JAK2: variants seen among roughly 807,000 people sequenced by gnomAD.
JAK2 encodes the protein tyrosine-protein kinase JAK2.
JAK2 carries 86 observed loss-of-function variants against 139.3 expected under a neutral mutation model. That is an observed-to-expected ratio of 0.62 (90% CI 0.52 to 0.74). The LOEUF (loss-of-function observed/expected upper bound fraction) is 0.74, where lower values mean the gene tolerates loss of function less well. Among genes scored for constraint, JAK2 ranks in the 30% least tolerant of loss-of-function variants. JAK2 has a pLI of 0.00. For missense variants in JAK2, 1,421 were observed against 1,360.3 expected (o/e 1.04, Z -0.70); for synonymous variants, 490 against 437.7 (o/e 1.12, Z -1.49).
At chr9:5,015,638 T>C (rs1822004136) in intron 2 of JAK2, among the ~76,000 whole-genome samples, 1 of 152,038 alleles carries the variant, frequency 6.6e-6, no homozygotes, top group African/African-American at 2.4e-5. Flanking sequence ...TCTCCTGGGC[T>C]CAAGTGATCC....
intron 22 of JAK2, among the ~76,000 whole-genome samples, chr9:5,104,582 C>A (rs1821800189): frequency 6.6e-6 from 1 of 152,170 alleles, no homozygotes; most frequent in Non-Finnish European, 1.5e-5. Flanking sequence ...CAGCCCGATA[C>A]CAAAGCCTAG....
intron 14 of JAK2, among the ~76,000 whole-genome samples, chr9:5,076,987 T>C (rs1217346393): frequency 3.0e-4 from 45 of 151,986 alleles, no homozygotes; most frequent in Admixed American, 3.0e-3. Flanking sequence ...CATTTCTGTA[T>C]TTTTTGCAGA....
chr9:5,028,265 G>C (rs1034251733), intron 3 of JAK2, among the ~76,000 whole-genome samples: 1 of 152,182 alleles, frequency 6.6e-6, no homozygotes, highest in Non-Finnish European at 1.5e-5. Flanking sequence ...GGGTGACCAG[G>C]TGCATTGTCA....
At chr9:5,115,108 C>G (rs1432948108) in intron 22 of JAK2, among the ~76,000 whole-genome samples, 1 of 152,118 alleles carries the variant, frequency 6.6e-6, no homozygotes, top group Non-Finnish European at 1.5e-5. Context: ...GCAAAAGAAA[C>G]TGATCAGAGT....
intron 19 of JAK2, chr9:5,085,834 C>T: frequency 2.6e-6 from 2 of 762,440 alleles, no homozygotes; most frequent in Non-Finnish European, 4.9e-6. Context: ...AAGGCTTTTC[C>T]TTTTACATCA....
intron 2 of JAK2, among the ~76,000 whole-genome samples, chr9:5,016,443 G>A (rs16922525): frequency 0.01 from 1,559 of 152,204 alleles, 20 homozygotes; most frequent in African/African-American, 0.036. Context: ...GGTGCAATGA[G>A]CCTGCAAACC....
intron 3 of JAK2, among the ~76,000 whole-genome samples, chr9:5,022,777 A>C (rs1822512876): frequency 6.6e-6 from 1 of 152,232 alleles, no homozygotes; most frequent in African/African-American, 2.4e-5. Context: ...AACACATTTT[A>C]CTAGACCACT....
chr9:5,040,968 A>G (rs537166611), intron 4 of JAK2: 7 of 572,894 alleles, frequency 1.2e-5, no homozygotes, highest in South Asian at 1.1e-4. Flanking sequence ...ATACAAACAA[A>G]TATGTGGCTA....
At chr9:5,045,328 C>T (rs7046077) in intron 5 of JAK2, among the ~76,000 whole-genome samples, 1 of 151,874 alleles carries the variant, frequency 6.6e-6, no homozygotes, top group African/African-American at 2.4e-5. Flanking sequence ...GCCTAGTAAG[C>T]CTAGTTCAGT....
At position 5,061,132 on chromosome 9, in the gene JAK2, C is replaced by T. The variant is rs146405888; in HGVS notation, c.1057-3751C>T. ...GTGCTGTCATCCAAGCCTTGTTGTT[C>T]CATTTATAGAGCACAGGCAGAGTAG... On this transcript the variant is annotated intron_variant, in intron 8 of 24. Coordinates refer to ENST00000381652, the MANE Select transcript of JAK2 (RefSeq NM_004972.4). 7.2e-3 allele frequency among the ~76,000 whole-genome samples: 1,100 copies of T among 152,290 alleles called. 10 individuals are homozygous for T. Among genetic ancestry groups the T allele is most frequent in the African/African-American group, 0.025 (1,054 of 41,554 alleles).
At chr9:5,009,406 A>T (rs924018208) in intron 2 of JAK2, among the ~76,000 whole-genome samples, 3 of 152,160 alleles carry the variant, frequency 2.0e-5, no homozygotes, top group African/African-American at 7.2e-5. Context: ...ACACTATGAA[A>T]TGCCCAGGCT....
intron 2 of JAK2, among the ~76,000 whole-genome samples, chr9:5,020,227 G>A (rs1822325401): frequency 6.6e-6 from 1 of 152,190 alleles, no homozygotes; most frequent in East Asian, 1.9e-4. Context: ...AAGTGTGAGT[G>A]GGAACCAGCT....
chr9:5,083,667 A>G (rs1819872689), intron 19 of JAK2, among the ~76,000 whole-genome samples: 1 of 152,192 alleles, frequency 6.6e-6, no homozygotes, highest in African/African-American at 2.4e-5. Flanking sequence ...TTGTCAAAAC[A>G]ATGGAATATA....
chr9:5,111,409 C>G, intron 22 of JAK2: 1 of 402,672 alleles, frequency 2.5e-6, no homozygotes, highest in Non-Finnish European at 4.8e-6. Flanking sequence ...GCGGCCTGGA[C>G]ACGCAGCCCA....
chr9:5,082,646 A>G (rs1214103203), intron 19 of JAK2, among the ~76,000 whole-genome samples: 2 of 152,332 alleles, frequency 1.3e-5, no homozygotes, highest in South Asian at 4.1e-4. Flanking sequence ...ATTTCAGACT[A>G]TCACATGGGG....
At chr9:5,021,149 T>C (rs1822401327) in intron 2 of JAK2, among the ~76,000 whole-genome samples, 1 of 152,182 alleles carries the variant, frequency 6.6e-6, no homozygotes, top group South Asian at 2.1e-4. Context: ...TTCTGGCTGA[T>C]CCTGGCTGAG....
At chr9:5,042,624 C>A (rs560488455) in intron 4 of JAK2, among the ~76,000 whole-genome samples, 77 of 137,258 alleles carry the variant, frequency 5.6e-4, no homozygotes, top group African/African-American at 2.2e-3. Context: ...CCCCCGTTAG[C>A]GTCATAAAGT....
intron 22 of JAK2, among the ~76,000 whole-genome samples, chr9:5,122,185 A>G (rs190070278): frequency 9.9e-5 from 15 of 152,260 alleles, no homozygotes; most frequent in Admixed American, 2.6e-4. Context: ...CACATTTTTA[A>G]TATCAGTCTA....
At chr9:5,113,958 C>T (rs1822895587) in intron 22 of JAK2, 1 of 263,652 alleles carries the variant, frequency 3.8e-6, no homozygotes, top group South Asian at 4.3e-5. Flanking sequence ...TCTCTGGGTA[C>T]ACCCAGGTGC....
Sources: allele counts gnomAD v4.1 joint callset (sites outside exome capture counted in the v4.1 genomes callset), GRCh38; gene constraint gnomAD v4.1.1; transcripts MANE v1.5; gene names NCBI Gene and HGNC (gene_info 2026-07-23, HGNC 2026-07-21).